The following QSER1 variants were observed in gnomAD, a reference collection of about 807,000 sequenced individuals.
QSER1 encodes the protein glutamine and serine rich 1.
A neutral mutation model predicts 158.5 loss-of-function variants in QSER1; 49 were observed. That is an observed-to-expected ratio of 0.31 (90% CI 0.25 to 0.39). The LOEUF (loss-of-function observed/expected upper bound fraction) is 0.39, where lower values mean the gene tolerates loss of function less well. Among genes scored for constraint, QSER1 ranks in the 10% least tolerant of loss-of-function variants. The pLI is 1.00. For missense variants in QSER1, 1,754 were observed against 2,010.3 expected (o/e 0.87, Z 2.44); for synonymous variants, 650 against 715.5 (o/e 0.91, Z 1.46).
At chr11:32,956,604 G>A (rs777414523) in intron 7 of QSER1, among the ~76,000 whole-genome samples, 1 of 152,130 alleles carries the variant, frequency 6.6e-6, no homozygotes, top group Non-Finnish European at 1.5e-5. Flanking sequence ...GCATGAATCT[G>A]GAAGATAACT....
Position 32,934,333 on chromosome 11 carries a change from C to T in QSER1, c.3075C>T (p.Val1025=). ...SKSHFQQSLD[V]RHVTSDFNSM... ...CTCATTTTCAGCAGTCATTAGATGT[C>T]AGGCATGTGACTTCAGATTTTAACT... Residue 1025 remains valine, a synonymous_variant, in exon 4 of 13, where the codon GTC becomes GTT. Coordinates refer to ENST00000650167, the MANE Select transcript of QSER1 (RefSeq NM_001076786.3). 5 of 1,613,950 alleles carry T rather than the reference C, an allele frequency of 3.1e-6. No individual in the cohort carries two copies. Among genetic ancestry groups the T allele is most frequent in the Non-Finnish European group, 4.2e-6 (5 of 1,179,966 alleles).
intron 1 of QSER1, among the ~76,000 whole-genome samples, chr11:32,902,539 G>T (rs1851638779): frequency 6.6e-6 from 1 of 152,168 alleles, no homozygotes; most frequent in African/African-American, 2.4e-5. Context: ...ACTTCCTTGA[G>T]CACCAGATCT....
intron 1 of QSER1, among the ~76,000 whole-genome samples, chr11:32,916,132 C>A (rs1025013881): frequency 2.0e-5 from 3 of 152,132 alleles, no homozygotes; most frequent in African/African-American, 7.2e-5. Context: ...AACTCCCGAC[C>A]TCAGGTGATC....
intron 8 of QSER1, among the ~76,000 whole-genome samples, chr11:32,965,944 AACACACAC>A (rs5790910): frequency 2.7e-3 from 329 of 123,604 alleles, no homozygotes; most frequent in Non-Finnish European, 4.2e-3. Context: ...TCTGTCTCAA[AACACACAC>A]ACACACACAC....
intron 1 of QSER1, among the ~76,000 whole-genome samples, chr11:32,916,492 A>G (rs1182038414): frequency 6.6e-6 from 1 of 152,114 alleles, no homozygotes; most frequent in Non-Finnish European, 1.5e-5. Context: ...GTTCAGAGAA[A>G]TGTGTCGTTA....
In QSER1 at chr11:32,979,579, A is replaced by G. The variant is rs1853037703; in HGVS notation, c.*3105A>G. On this transcript the variant is annotated 3_prime_UTR_variant, in exon 13 of 13. Coordinates refer to ENST00000650167, the MANE Select transcript of QSER1 (RefSeq NM_001076786.3). ...AGGAAACATTGGAAAGATGGGGAAA[A>G]AAATCTTATTTTAAAATGGCTTAGA... The G allele has an allele frequency of 6.6e-6, 1 of 152,212 alleles. No homozygotes were observed. Among genetic ancestry groups the G allele is most frequent in the African/African-American group, 2.4e-5 (1 of 41,456 alleles). The allele number at this position is 152,212 out of a possible 1,614,324, so 9.4% of individuals were successfully genotyped here.
At chr11:32,959,258 A>G (rs1322914040) in intron 8 of QSER1, among the ~76,000 whole-genome samples, 2 of 152,224 alleles carry the variant, frequency 1.3e-5, no homozygotes, top group Non-Finnish European at 2.9e-5. Context: ...GAGTAGTTCT[A>G]CAGAGACCAT....
At chr11:32,899,016 C>G (rs1165350007) in intron 1 of QSER1, among the ~76,000 whole-genome samples, 2 of 152,168 alleles carry the variant, frequency 1.3e-5, no homozygotes, top group Non-Finnish European at 2.9e-5. Context: ...TATTTTCAAC[C>G]CTCACTCCTT....
At chr11:32,924,758 T>G (rs1851946051) in intron 1 of QSER1, among the ~76,000 whole-genome samples, 1 of 152,102 alleles carries the variant, frequency 6.6e-6, no homozygotes, top group Non-Finnish European at 1.5e-5. Flanking sequence ...AGCTTTTATT[T>G]TAGATTCAGG....
intron 4 of QSER1, among the ~76,000 whole-genome samples, chr11:32,938,160 G>A (rs1311829379): frequency 6.6e-6 from 1 of 152,156 alleles, no homozygotes; most frequent in Non-Finnish European, 1.5e-5. Flanking sequence ...TGTGACTTTA[G>A]GGCATGTTCC....
Position 32,928,011 on chromosome 11 carries a change from T to A in QSER1, c.372T>A (p.Thr124=). ...GTGTGAACAGTGCCAGCAGTAACACTAAAGAGTCTTCAGTGATGAATTTTC... is the reference window on the plus strand; with the variant it reads ...GTGTGAACAGTGCCAGCAGTAACACAAAAGAGTCTTCAGTGATGAATTTTC... The part of the protein sequence containing the change: ...DTSVNSASSN[T]KESSVMNFLS... The change falls in exon 3 of 13, where the codon ACT becomes ACA. Residue 124 remains threonine, a synonymous_variant. Coordinates refer to ENST00000650167, the MANE Select transcript of QSER1 (RefSeq NM_001076786.3). 2 of 1,545,372 alleles carry A rather than the reference T, an allele frequency of 1.3e-6. No individual in the cohort carries two copies. The highest frequency in any genetic ancestry group is 1.8e-6 in the Non-Finnish European group (2 of 1,118,258).
At chr11:32,946,394 G>A (rs377567444) in intron 4 of QSER1, among the ~76,000 whole-genome samples, 1 of 151,042 alleles carries the variant, frequency 6.6e-6, no homozygotes, top group Non-Finnish European at 1.5e-5. Flanking sequence ...TTTGATGATG[G>A]TGATGTATAG....
intron 4 of QSER1, among the ~76,000 whole-genome samples, chr11:32,952,698 G>C (rs1189657249): frequency 1.3e-5 from 2 of 150,876 alleles, no homozygotes; most frequent in African/African-American, 4.9e-5. Context: ...GAATTATCCA[G>C]TGAAGCCATA....
intron 4 of QSER1, among the ~76,000 whole-genome samples, chr11:32,938,851 C>A (rs955755097): frequency 6.6e-6 from 1 of 151,976 alleles, no homozygotes; most frequent in Non-Finnish European, 1.5e-5. Flanking sequence ...ACTAATGGAA[C>A]TGTATCTTGT....
intron 4 of QSER1, among the ~76,000 whole-genome samples, chr11:32,950,275 G>A (rs1191601475): frequency 6.6e-6 from 1 of 151,956 alleles, no homozygotes; most frequent in East Asian, 1.9e-4. Flanking sequence ...TTGTATTTTA[G>A]TGGACACGGG....
At chr11:32,904,654 AAC>A (rs1022616209) in intron 1 of QSER1, among the ~76,000 whole-genome samples, 6 of 148,788 alleles carry the variant, frequency 4.0e-5, no homozygotes, top group African/African-American at 1.0e-4. Flanking sequence ...CTTTGAGTGA[AAC>A]ACAGTTTTTT....
Position 32,933,993 on chromosome 11 carries a change from A to G in QSER1, c.2735A>G (p.Gln912Arg). 4 of 1,613,852 alleles carry G rather than the reference A, an allele frequency of 2.5e-6. No individual in the cohort carries two copies. The highest frequency in any genetic ancestry group is 2.5e-6 in the Non-Finnish European group (3 of 1,179,914). ...HVIQSNGDHSQQQLHPQNSEV... is the reference protein window; with the variant it reads ...HVIQSNGDHSRQQLHPQNSEV... ...ATTCAAAGCAATGGTGATCATTCTC[A>G]GCAGCAACTCCATCCTCAAAATTCT... is the stretch of plus-strand genomic sequence containing the variant. The change falls in exon 4 of 13, where the codon CAG (glutamine) becomes CGG (arginine). Residue 912 changes from glutamine (Q) to arginine (R), a missense_variant. Around this residue, in one of 2 missense-constraint regions of QSER1, gnomAD observed 1,707 missense variants for 1,919.6 expected, o/e 0.89. Coordinates refer to ENST00000650167, the MANE Select transcript of QSER1 (RefSeq NM_001076786.3).
At chr11:32,899,447 G>A (rs1360559187) in intron 1 of QSER1, among the ~76,000 whole-genome samples, 1 of 152,184 alleles carries the variant, frequency 6.6e-6, no homozygotes, top group East Asian at 1.9e-4. Context: ...GAGTACTAAA[G>A]TATGTCTACC....
intron 1 of QSER1, among the ~76,000 whole-genome samples, chr11:32,909,826 G>T (rs1851743785): frequency 6.6e-6 from 1 of 152,088 alleles, no homozygotes; most frequent in East Asian, 1.9e-4. Context: ...TATGGGGGGG[G>T]TGTGGTCATG....
Sources: allele counts gnomAD v4.1 joint callset (sites outside exome capture counted in the v4.1 genomes callset), GRCh38; gene constraint gnomAD v4.1.1; regional missense constraint gnomAD v4.1.1; transcripts MANE v1.5; gene names NCBI Gene and HGNC (gene_info 2026-07-23, HGNC 2026-07-21).